The following ADPRHL1 variants were observed in gnomAD, a reference collection of about 807,000 sequenced individuals.
ADPRHL1 encodes the protein inactive ADP-ribosyltransferase ARH2.
Under a neutral mutation model 44.1 loss-of-function variants are expected in ADPRHL1, and 43 were observed. The ratio of observed to expected loss-of-function variants is 0.98; its 90% CI spans 0.76 to 1.26. ADPRHL1 has a LOEUF of 1.26. ADPRHL1 is among the 50% of genes most tolerant of loss of function. The probability of loss-of-function intolerance (pLI) is 0.00; values close to 1 mark genes in which losing one functional copy is unlikely to be tolerated. For synonymous variants in ADPRHL1, 878 were observed against 1,017.4 expected (o/e 0.86, Z 2.61); for missense variants, 2,022 against 2,496.9 (o/e 0.81, Z 4.05).
chr13:113,451,842 G>A (rs1041744382), intron 1 of ADPRHL1, among the ~76,000 whole-genome samples: 62 of 152,188 alleles, frequency 4.1e-4, no homozygotes, highest in African/African-American at 1.4e-3. Context: ...CTAAACGTCC[G>A]TAACCCTTTT....
At chr13:113,434,578 G>A (rs1015964798) in intron 2 of ADPRHL1, among the ~76,000 whole-genome samples, 1 of 145,918 alleles carries the variant, frequency 6.9e-6, no homozygotes, top group Non-Finnish European at 1.5e-5. Context: ...AGTGAACACA[G>A]GTGTACCCCG....
intron 3 of ADPRHL1, among the ~76,000 whole-genome samples, chr13:113,433,107 G>A (rs1403353206): frequency 6.6e-6 from 1 of 152,144 alleles, no homozygotes; most frequent in Admixed American, 6.5e-5. Context: ...GATCCAACCC[G>A]CTTCACCCTC....
In ADPRHL1 at chr13:113,403,083, G is replaced by C. The variant is rs990626422; in HGVS notation, c.*295C>G. ...GCTCCACGCTGCAGGCTGTGTGAGA[G>C]AGGGGTGAGCCGGCGCCCCCGAGTG... On this transcript the variant is annotated 3_prime_UTR_variant, in exon 8 of 8. Transcript: ENST00000612156. 4.1e-6 allele frequency: 1 copy of C among 245,918 alleles called. No individual in the cohort carries two copies. The highest frequency in any genetic ancestry group is 2.3e-5 in the African/African-American group (1 of 42,996). The allele number at this position is 245,918 out of a possible 1,614,324, so 15.2% of individuals were successfully genotyped here.
chr13:113,433,924 C>T (rs2044026826), intron 2 of ADPRHL1, 57 bp from the exon 3 acceptor site: 1 of 1,476,482 alleles, frequency 6.8e-7, no homozygotes, highest in East Asian at 2.6e-5. Flanking sequence ...CCACCCCTGA[C>T]AATCTAGCTT....
rs968818918 is a variant in ADPRHL1, at chr13:113,437,520, C to T, written c.380-3653G>A. 3.0e-4 allele frequency among the ~76,000 whole-genome samples: 46 copies of T among 152,230 alleles called. 1 individual carries two copies. The highest frequency in any genetic ancestry group is 2.6e-3 in the Admixed American group (39 of 15,290). ...CACTGCTGCGACCGTGCGTGTTACT[C>T]GGCGTGTTCCAGGCCCTGTGTAAAC... On this transcript the variant is annotated intron_variant, in intron 2 of 7. Coordinates refer to ENST00000612156, the MANE Select transcript of ADPRHL1 (RefSeq NM_001394807.1).
intron 7 of ADPRHL1, among the ~76,000 whole-genome samples, chr13:113,417,998 T>C (rs9549783): frequency 0.34 from 50,955 of 152,098 alleles, 8,781 homozygotes; most frequent in Middle Eastern, 0.46. Context: ...ACAGGTGGCA[T>C]TGGCTTCTGG....
At position 113,407,509 on chromosome 13, in the gene ADPRHL1, G is replaced by T. The variant is rs552451512; in HGVS notation, c.1773C>A (p.Arg591=). 3.2e-6 allele frequency: 4 copies of T among 1,232,100 alleles called. No individual in the cohort carries two copies. Among genetic ancestry groups the T allele is most frequent in the Non-Finnish European group, 3.0e-6 (3 of 988,048 alleles). The allele number at this position is 1,232,100 out of a possible 1,614,324, so 76.3% of individuals were successfully genotyped here. A position where few individuals can be genotyped will look rare whatever the true frequency, so the allele number is the denominator to read the frequency against. ...TGGCCATGGTGGCCGTGTGCAGCACGCGCACCTCCGGCCGGTGCATCCTCT... is the reference window on the plus strand; with the variant it reads ...TGGCCATGGTGGCCGTGTGCAGCACTCGCACCTCCGGCCGGTGCATCCTCT... ...QRKRMHRPEV[R]VLHTATMAST... The change falls in exon 8 of 8, where the codon CGC becomes CGA. Residue 591 remains arginine, a synonymous_variant. Coordinates refer to ENST00000612156, the MANE Select transcript of ADPRHL1 (RefSeq NM_001394807.1).
chr13:113,405,216 T>C lies in ADPRHL1; in HGVS notation c.4066A>G (p.Ser1356Gly). ...GCCTGCGTCCTAGGCTCGGGGACAC[T>C]GGCCCGGAGCTTTGCCTGTGTGTCA... ...AGDTQAKLRASVPEPRTQAGE... is the reference protein window; with the variant it reads ...AGDTQAKLRAGVPEPRTQAGE... Residue 1356 changes from serine to glycine, a missense_variant, in exon 8 of 8, where the codon AGT becomes GGT. By Grantham distance (56) the Ser-to-Gly change is moderately conservative. Coordinates refer to ENST00000612156, the MANE Select transcript of ADPRHL1 (RefSeq NM_001394807.1). The C allele has an allele frequency of 8.1e-7, 1 of 1,231,860 alleles. No individual in the cohort carries two copies. The highest frequency in any genetic ancestry group is 1.5e-5 in the African/African-American group (1 of 64,558). 76.3% of individuals were successfully genotyped at this position (1,231,860 alleles called of 1,614,324 possible). A position where few individuals can be genotyped will look rare whatever the true frequency, so the allele number is the denominator to read the frequency against.
At chr13:113,422,617 G>A (rs1014076907) in intron 7 of ADPRHL1, 2 of 683,552 alleles carry the variant, frequency 2.9e-6, no homozygotes. Flanking sequence ...TGATGGTGGA[G>A]GACGGAAAAT....
chr13:113,416,270 T>G (rs914517303), intron 7 of ADPRHL1, among the ~76,000 whole-genome samples: 15 of 152,136 alleles, frequency 9.9e-5, no homozygotes, highest in African/African-American at 3.6e-4. Flanking sequence ...TGTGGACTTT[T>G]GGGCTAGGAT....
At chr13:113,413,590 T>G (rs2139605268) in intron 7 of ADPRHL1, among the ~76,000 whole-genome samples, 1 of 152,324 alleles carries the variant, frequency 6.6e-6, no homozygotes, top group South Asian at 2.1e-4. Context: ...TTCCCACCCC[T>G]GCTGCACACC....
At chr13:113,415,770 A>AAGAG (rs1555325969) in intron 7 of ADPRHL1, among the ~76,000 whole-genome samples, 3 of 132,850 alleles carry the variant, frequency 2.3e-5, no homozygotes, top group Non-Finnish European at 3.1e-5. Flanking sequence ...AAAAAAAAAA[A>AAGAG]AGAGAGAGAG....
intron 7 of ADPRHL1, among the ~76,000 whole-genome samples, chr13:113,413,887 T>G (rs537536960): frequency 1.3e-5 from 2 of 152,306 alleles, no homozygotes; most frequent in East Asian, 1.9e-4. Flanking sequence ...ATTTAGTTGT[T>G]GGTGGCTCTG....
intron 7 of ADPRHL1, among the ~76,000 whole-genome samples, chr13:113,412,035 C>A (rs776862787): frequency 6.6e-6 from 1 of 152,170 alleles, no homozygotes; most frequent in Non-Finnish European, 1.5e-5. Flanking sequence ...CTTGAACCTG[C>A]GGGTGGTTCC....
chr13:113,408,362 G>A (rs1241038066), intron 7 of ADPRHL1, 142 bp from the exon 8 acceptor site: 1 of 887,356 alleles, frequency 1.1e-6, no homozygotes, highest in Non-Finnish European at 1.5e-6. Context: ...GGAGCCAGGA[G>A]CTGTGGCTTC....
In ADPRHL1 at chr13:113,453,201, G is replaced by A. The variant is rs757181816; in HGVS notation, c.214+23C>T. The A allele has an allele frequency of 1.3e-5, 21 of 1,613,218 alleles. No individual in the cohort carries two copies. Among genetic ancestry groups the A allele is most frequent in the Middle Eastern group, 1.7e-4 (1 of 5,962 alleles). ...CAGTGTTCCCTCCAGCCCGCACACCGGAGCGCGGTGGGCCCAGCCTACCTG... is the reference window on the plus strand; with the variant it reads ...CAGTGTTCCCTCCAGCCCGCACACCAGAGCGCGGTGGGCCCAGCCTACCTG... On this transcript the variant is annotated intron_variant, in intron 1 of 7. Coordinates refer to ENST00000612156, the MANE Select transcript of ADPRHL1 (RefSeq NM_001394807.1). The surrounding 1 kb of genome is among the most constrained non-coding windows in gnomAD (Gnocchi z 5.4).
rs1355389926 is a variant in ADPRHL1, at chr13:113,444,523, A to G, written c.281T>C (p.Leu94Pro). 6.2e-7 allele frequency: 1 copy of G among 1,614,178 alleles called. No homozygotes were observed. The highest frequency in any genetic ancestry group is 1.7e-5 in the Admixed American group (1 of 60,022). The change falls in exon 2 of 8, where the codon CTT (leucine) becomes CCT (proline). Residue 94 changes from leucine to proline, a missense_variant. Leu to Pro is a moderately conservative substitution (Grantham distance 98). Around this residue, in one of 8 missense-constraint regions of ADPRHL1, gnomAD observed 437 missense variants for 430.7 expected, o/e 1.01. Coordinates refer to ENST00000612156, the MANE Select transcript of ADPRHL1 (RefSeq NM_001394807.1). ...VRCYVEIVEKLPERRPDPATI... is the reference protein window; with the variant it reads ...VRCYVEIVEKPPERRPDPATI... The stretch of plus-strand genomic sequence containing the variant: ...AGCTGGGTCTGGCCGGCGTTCTGGA[A>G]GCTTCTCAACGATTTCCACATAGCA...
rs181218970 is a variant in ADPRHL1 at position 113,409,541 on chromosome 13, C to T, written c.1062-1321G>A. ...TGGGAGAAGAGTCGGTGGCCGGATG[C>T]GGCTGGTGACGTGGTGCCAAGTGAA... is the stretch of plus-strand genomic sequence containing the variant. On this transcript the variant is annotated intron_variant, in intron 7 of 7. Coordinates refer to ENST00000612156, the MANE Select transcript of ADPRHL1 (RefSeq NM_001394807.1). This position sits in a 1 kb window ranked among gnomAD's most constrained non-coding sequence, Gnocchi z 4.2. 302 of 985,346 alleles carry T rather than the reference C, an allele frequency of 3.1e-4. No homozygotes were observed. The highest frequency in any genetic ancestry group is 3.5e-4 in the Non-Finnish European group (290 of 829,914). The allele number at this position is 985,346 out of a possible 1,614,324, so 61.0% of individuals were successfully genotyped here. A position where few individuals can be genotyped will look rare whatever the true frequency, so the allele number is the denominator to read the frequency against.
Position 113,444,492 on chromosome 13 carries a change from A to G in ADPRHL1, c.312T>C (p.Ile104=), listed in dbSNP as rs2044122261. 18 of 1,614,080 alleles carry G rather than the reference A, an allele frequency of 1.1e-5. No homozygotes were observed. The highest frequency in any genetic ancestry group is 1.3e-5 in the African/African-American group (1 of 74,926). The part of the protein sequence containing the change: ...LPERRPDPAT[I]EGCAQLKPNN... Reference sequence around the variant, plus strand: ...TGGGCTTTAGCTGAGCACAGCCTTCAATGGTAGCTGGGTCTGGCCGGCGTT... The same window carrying G: ...TGGGCTTTAGCTGAGCACAGCCTTCGATGGTAGCTGGGTCTGGCCGGCGTT... Residue 104 remains isoleucine, a synonymous_variant, in exon 2 of 8, where the codon ATT becomes ATC. Coordinates refer to ENST00000612156, the MANE Select transcript of ADPRHL1 (RefSeq NM_001394807.1).
Sources: gnomAD v4.1 joint callset for allele counts (sites outside exome capture counted in the v4.1 genomes callset) on GRCh38, gnomAD v4.1.1 for gene constraint, gnomAD v4.1.1 regional missense constraint, Gnocchi (gnomAD v3.1) non-coding constraint, MANE v1.5 for transcripts, NCBI Gene and HGNC (gene_info 2026-07-23, HGNC 2026-07-21) for gene names.